Variants in NEBL observed in about 807,000 individuals in gnomAD.
NEBL encodes LIM and SH3 protein 2.
A neutral mutation model predicts 140.2 loss-of-function variants in NEBL; 122 were observed. That is an observed-to-expected ratio of 0.87 (90% CI 0.75 to 1.01). NEBL has a LOEUF of 1.01. NEBL is among the 50% of genes least tolerant of loss of function. The probability of loss-of-function intolerance (pLI) is 0.00; values close to 1 mark genes in which losing one functional copy is unlikely to be tolerated. For missense variants in NEBL, 1,365 were observed against 1,231.3 expected (o/e 1.11, Z -1.62); for synonymous variants, 436 against 398.9 (o/e 1.09, Z -1.11).
At chr10:21,093,929 A>G (rs1837040934) in intron 2 of NEBL, among the ~76,000 whole-genome samples, 1 of 152,252 alleles carries the variant, frequency 6.6e-6, no homozygotes, top group South Asian at 2.1e-4. Flanking sequence ...TGCGGGAACC[A>G]GAAAACATTT....
chr10:20,947,233 G>A (rs777992536), intron 4 of NEBL, among the ~76,000 whole-genome samples: 10 of 152,166 alleles, frequency 6.6e-5, no homozygotes, highest in Non-Finnish European at 1.2e-4. Context: ...AGAATGCCTC[G>A]GTGCTAGCCC....
At chr10:20,806,290 C>G (rs1821127208) in intron 26 of NEBL, among the ~76,000 whole-genome samples, 1 of 152,184 alleles carries the variant, frequency 6.6e-6, no homozygotes, top group Non-Finnish European at 1.5e-5. Flanking sequence ...TACACAGATT[C>G]ATTTAGGACC....
At chr10:21,244,718 A>T (rs1305855342) in intron 3 of NEBL, among the ~76,000 whole-genome samples, 2 of 151,976 alleles carry the variant, frequency 1.3e-5, no homozygotes, top group African/African-American at 4.8e-5. Context: ...AATAAAAAAT[A>T]AATAAATTAG....
At position 20,784,575 on chromosome 10, in the gene NEBL, C is replaced by A. The variant is rs1835259531; in HGVS notation, c.*1172G>T. 1.3e-5 allele frequency: 2 copies of A among 152,022 alleles called. No homozygotes were observed. The highest frequency in any genetic ancestry group is 4.8e-5 in the African/African-American group (2 of 41,398). The allele number at this position is 152,022 out of a possible 1,614,324, so 9.4% of individuals were successfully genotyped here. ...GATTTCCATTCCAGAATTTGAATAC[C>A]ATTTTCCAAAAGAAGATACCAGATC... On this transcript the variant is annotated 3_prime_UTR_variant, in exon 28 of 28. Coordinates refer to ENST00000377122, the MANE Select transcript of NEBL (RefSeq NM_006393.3).
chr10:20,826,366 A>T (rs1483018804), intron 18 of NEBL, 81 bp downstream of exon 18: 1 of 1,050,914 alleles, frequency 9.5e-7, no homozygotes, highest in Non-Finnish European at 1.5e-6. Context: ...AAAAGCCATC[A>T]GTTGAGTAAA....
chr10:20,899,696 C>T, upstream of NEBL: 1 of 272,994 alleles, frequency 3.7e-6, no homozygotes, highest in South Asian at 3.7e-5. Context: ...CAGAACCTAA[C>T]TAGAGACCTG....
chr10:21,082,917 C>T (rs1836453019), intron 2 of NEBL, among the ~76,000 whole-genome samples: 1 of 152,126 alleles, frequency 6.6e-6, no homozygotes, highest in Admixed American at 6.5e-5. Flanking sequence ...CGCCTGCCAC[C>T]ACACCTGGCT....
At chr10:20,814,104 A>G (rs1318675334) in intron 22 of NEBL, 61 bp from the exon 23 acceptor site, 1 of 1,053,264 alleles carries the variant, frequency 9.5e-7, no homozygotes, top group African/African-American at 1.6e-5. Context: ...AACATTTTTA[A>G]GCTTTACAAA....
rs1842347620 is a variant in NEBL, at chr10:21,236,287, C to A, written n.348+11634G>T. On this transcript the variant is annotated intron_variant and non_coding_transcript_variant, in intron 3 of 8. Transcript: ENST00000675702. ...CAACTGAATTTTACAATGTTGCTTC[C>A]TCATGTTTTGTCATTCTGGTTTTGT... Among the ~76,000 whole-genome samples, 5 of 151,982 alleles carry A rather than the reference C, an allele frequency of 3.3e-5. No homozygotes were observed. The South Asian group carries it at 1.0e-3, about 32-fold the overall frequency.
chr10:21,000,975 A>T (rs1047093606), intron 3 of NEBL, among the ~76,000 whole-genome samples: 7 of 152,206 alleles, frequency 4.6e-5, no homozygotes, highest in African/African-American at 1.7e-4. Context: ...AAGCCAGCAC[A>T]GGAGGGTCCT....
chr10:21,189,630 A>G (rs1841540073), intron 3 of NEBL, among the ~76,000 whole-genome samples: 1 of 148,802 alleles, frequency 6.7e-6, no homozygotes, highest in Non-Finnish European at 1.5e-5. Context: ...GCGCCCAGCT[A>G]ATTTTTTTGT....
intron 2 of NEBL, among the ~76,000 whole-genome samples, chr10:21,122,998 A>G (rs1209185947): frequency 6.6e-6 from 1 of 152,156 alleles, no homozygotes; most frequent in Non-Finnish European, 1.5e-5. Context: ...CAGTAAAATC[A>G]TTTTGGCTGG....
chr10:20,877,770 G>T (rs1322887817), intron 5 of NEBL, among the ~76,000 whole-genome samples: 1 of 152,066 alleles, frequency 6.6e-6, no homozygotes, highest in Non-Finnish European at 1.5e-5. Flanking sequence ...GTCACGCCTG[G>T]TCCAACCAAT....
intron 26 of NEBL, among the ~76,000 whole-genome samples, chr10:20,803,711 G>A (rs1032562269): frequency 6.6e-6 from 1 of 151,254 alleles, no homozygotes; most frequent in Non-Finnish European, 1.5e-5. Flanking sequence ...GAGTCAATCA[G>A]CACCTTCTCA....
chr10:21,138,993 C>T (rs1001703704), intron 2 of NEBL, among the ~76,000 whole-genome samples: 5 of 152,154 alleles, frequency 3.3e-5, no homozygotes, highest in African/African-American at 4.8e-5. Context: ...TGTTCTTATA[C>T]GTGATCTATT....
At chr10:21,182,680 A>C (rs755675351) in intron 3 of NEBL, among the ~76,000 whole-genome samples, 1 of 152,236 alleles carries the variant, frequency 6.6e-6, no homozygotes, top group Non-Finnish European at 1.5e-5. Context: ...TGTGTTGTCC[A>C]ACAGAAATAT....
intron 4 of NEBL, among the ~76,000 whole-genome samples, chr10:20,945,353 G>A (rs998488220): frequency 6.6e-6 from 1 of 152,166 alleles, no homozygotes; most frequent in South Asian, 2.1e-4. Flanking sequence ...TACGTTCTGT[G>A]TTCTGCATTG....
At chr10:21,254,491 T>C (rs12397472) in intron 1 of NEBL, among the ~76,000 whole-genome samples, 13,701 of 152,152 alleles carry the variant, frequency 0.09, 895 homozygotes, top group African/African-American at 0.18. Flanking sequence ...TCACCCAGGC[T>C]AGAGTGCAGT....
At chr10:20,796,486 A>T (rs1836561134) in intron 26 of NEBL, among the ~76,000 whole-genome samples, 2 of 151,914 alleles carry the variant, frequency 1.3e-5, no homozygotes, top group Non-Finnish European at 2.9e-5. Flanking sequence ...CCACCAGTTA[A>T]ACTTAATTAG....
Sources: allele counts gnomAD v4.1 joint callset (sites outside exome capture counted in the v4.1 genomes callset), GRCh38; gene constraint gnomAD v4.1.1; transcripts MANE v1.5; gene names NCBI Gene and HGNC (gene_info 2026-07-23, HGNC 2026-07-21).